Variants in GALNT10 observed in about 807,000 individuals in gnomAD.
GALNT10 encodes the protein GalNAc transferase 10.
GALNT10 carries 41 observed loss-of-function variants against 75.0 expected under a neutral mutation model. The observed-to-expected ratio is 0.55, with a 90% confidence interval of 0.43 to 0.71. The LOEUF (loss-of-function observed/expected upper bound fraction) is 0.71, where lower values mean the gene tolerates loss of function less well. Among genes scored for constraint, GALNT10 ranks in the 30% least tolerant of loss-of-function variants. The pLI is 0.00. For missense variants in GALNT10, 727 were observed against 818.5 expected, an observed-to-expected ratio of 0.89 and a Z score of 1.36; for synonymous variants, 302 against 313.0, an observed-to-expected ratio of 0.96 and a Z score of 0.37.
intron 1 of GALNT10, among the ~76,000 whole-genome samples, chr5:154,246,805 T>G (rs1216691061): frequency 1.3e-5 from 2 of 152,216 alleles, no homozygotes; most frequent in African/African-American, 4.8e-5. Flanking sequence ...CAGAAGCTCT[T>G]TAGTTTAATT....
intron 1 of GALNT10, among the ~76,000 whole-genome samples, chr5:154,205,648 G>A (rs891854770): frequency 6.6e-6 from 1 of 152,214 alleles, no homozygotes; most frequent in Admixed American, 6.5e-5. Flanking sequence ...AACCAATCAA[G>A]ATGATGTCAT....
At chr5:154,266,573 T>TAAA (rs70978533) in intron 1 of GALNT10, among the ~76,000 whole-genome samples, 5,266 of 141,742 alleles carry the variant, frequency 0.037, 315 homozygotes, top group African/African-American at 0.13. Context: ...AGACTATCAT[T>TAAA]AAAAAAAAAA....
At chr5:154,270,991 C>CAAAA (rs5872366) in intron 1 of GALNT10, among the ~76,000 whole-genome samples, 1 of 76,118 alleles carries the variant, frequency 1.3e-5, no homozygotes, top group African/African-American at 5.0e-5. Flanking sequence ...GATTCCATCT[C>CAAAA]AAAAAAAAAA....
At chr5:154,237,599 ACT>A (rs1207944734) in intron 1 of GALNT10, among the ~76,000 whole-genome samples, 12 of 152,174 alleles carry the variant, frequency 7.9e-5, no homozygotes, top group African/African-American at 2.4e-4. Context: ...CCTGCAGGAT[ACT>A]GCATTACATT....
rs1755582127 is a variant in GALNT10, at chr5:154,372,131, G to T, written c.569-4146G>T. Among the ~76,000 whole-genome samples, 3 of 152,174 alleles carry T rather than the reference G, an allele frequency of 2.0e-5. No individual in the cohort carries two copies. In the South Asian group the frequency reaches 6.2e-4, roughly 32 times the overall value. On this transcript the variant is annotated intron_variant, in intron 4 of 11. Transcript: ENST00000297107. ...CAGACTCTGGAGCCAGATTGCCTGG[G>T]TTTTAATCCAATACCTGCCACTTAC...
At chr5:154,237,425 T>A (rs1156712046) in intron 1 of GALNT10, among the ~76,000 whole-genome samples, 2 of 152,154 alleles carry the variant, frequency 1.3e-5, no homozygotes, top group Non-Finnish European at 2.9e-5. Flanking sequence ...ATTCATTGTG[T>A]GTGAAAAAGA....
At chr5:154,264,138 C>T (rs894997135) in intron 1 of GALNT10, among the ~76,000 whole-genome samples, 11 of 151,948 alleles carry the variant, frequency 7.2e-5, no homozygotes, top group Non-Finnish European at 1.0e-4. Flanking sequence ...TGTGGCAAAA[C>T]GCCATCTCTA....
In GALNT10 at chr5:154,352,333, G is replaced by A. The variant is rs1755217302; in HGVS notation, c.568+22595G>A. On this transcript the variant is annotated intron_variant, in intron 4 of 11. Transcript: ENST00000297107. This position sits in a 1 kb window ranked among gnomAD's most constrained non-coding sequence, Gnocchi z 4.4. ...CTGAGTGCTGACAGCCCCTCTGCAAGTGGACATAAAGTTCACCTGTTTAAT... is the reference window on the plus strand; with the variant it reads ...CTGAGTGCTGACAGCCCCTCTGCAAATGGACATAAAGTTCACCTGTTTAAT... 6.6e-6 allele frequency among the ~76,000 whole-genome samples: 1 copy of A among 152,224 alleles called. No homozygotes were observed.
chr5:154,202,795 G>A (rs983178037), intron 1 of GALNT10, among the ~76,000 whole-genome samples: 12 of 152,216 alleles, frequency 7.9e-5, no homozygotes, highest in Admixed American at 6.5e-4. Context: ...CTGGTGTGGT[G>A]TGAGCTATCT....
At chr5:154,344,359 G>C (rs187542143) in intron 4 of GALNT10, among the ~76,000 whole-genome samples, 9 of 151,694 alleles carry the variant, frequency 5.9e-5, no homozygotes, top group Admixed American at 4.6e-4. Context: ...TTACAGGCGC[G>C]CACCACCATG....
chr5:154,245,409 C>T (rs1462537996), intron 1 of GALNT10, among the ~76,000 whole-genome samples: 1 of 152,192 alleles, frequency 6.6e-6, no homozygotes, highest in Admixed American at 6.5e-5. Context: ...ATTTTATCCT[C>T]ACCAGTGGGT....
At chr5:154,265,580 A>G (rs1333857437) in intron 1 of GALNT10, among the ~76,000 whole-genome samples, 1 of 152,192 alleles carries the variant, frequency 6.6e-6, no homozygotes, top group Non-Finnish European at 1.5e-5. Flanking sequence ...GGATAATTTT[A>G]TGCTGTTTAT....
Position 154,344,168 on chromosome 5 carries a change from G to A in GALNT10, c.568+14430G>A, listed in dbSNP as rs115779589. On this transcript the variant is annotated intron_variant, in intron 4 of 11. Transcript: ENST00000297107. ...ACCCTGTTTGTATCCCAGTCCATAA[G>A]TTCCTTCCACTACAAAATAAATTTC... 6.5e-3 allele frequency among the ~76,000 whole-genome samples: 984 copies of A among 150,468 alleles called. 7 individuals are homozygous for A. Among genetic ancestry groups the A allele is most frequent in the African/African-American group, 0.022 (921 of 41,006 alleles).
chr5:154,348,865 C>T (rs984266092), intron 4 of GALNT10, among the ~76,000 whole-genome samples: 2 of 152,144 alleles, frequency 1.3e-5, no homozygotes, highest in Admixed American at 6.5e-5. Context: ...TTCTCCCTTA[C>T]TGCAAACTCT....
intron 1 of GALNT10, among the ~76,000 whole-genome samples, chr5:154,216,802 A>G (rs1460147323): frequency 1.3e-5 from 2 of 152,220 alleles, no homozygotes; most frequent in Non-Finnish European, 2.9e-5. Context: ...TATTTGCACA[A>G]GAAGGCCTAC....
intron 4 of GALNT10, among the ~76,000 whole-genome samples, chr5:154,348,344 G>C (rs562739029): frequency 6.6e-6 from 1 of 152,142 alleles, no homozygotes; most frequent in Non-Finnish European, 1.5e-5. Flanking sequence ...ATTAGAGAAG[G>C]CCCTTTCAAA....
intron 9 of GALNT10, among the ~76,000 whole-genome samples, chr5:154,411,450 C>T (rs910224567): frequency 8.5e-5 from 13 of 152,188 alleles, no homozygotes; most frequent in East Asian, 3.9e-4. Flanking sequence ...CTGGGGCCAT[C>T]GGGGAAGACG....
chr5:154,269,333 A>G (rs1753826987), intron 1 of GALNT10, among the ~76,000 whole-genome samples: 1 of 152,172 alleles, frequency 6.6e-6, no homozygotes, highest in African/African-American at 2.4e-5. Context: ...ACATCCCAAC[A>G]TTATTGACTC....
In GALNT10 at chr5:154,251,761, C is replaced by T. The variant is rs74615496; in HGVS notation, c.160-43055C>T. On this transcript the variant is annotated intron_variant, in intron 1 of 11. Coordinates refer to ENST00000297107, the MANE Select transcript of GALNT10 (RefSeq NM_198321.4). The stretch of plus-strand genomic sequence containing the variant: ...TCCCTACACCAGACCTGGAATTCAT[C>T]ATTTCTCTAAGAAACTGCTTGGTTT... 2.8e-3 allele frequency among the ~76,000 whole-genome samples: 420 copies of T among 152,228 alleles called. 11 individuals are homozygous for T. In the East Asian group the frequency reaches 0.051, roughly 18 times the overall value.
Sources: allele counts gnomAD v4.1 joint callset (sites outside exome capture counted in the v4.1 genomes callset), GRCh38; gene constraint gnomAD v4.1.1; non-coding constraint Gnocchi (gnomAD v3.1); transcripts MANE v1.5; gene names NCBI Gene and HGNC (gene_info 2026-07-23, HGNC 2026-07-21).